The following DGKD variants were observed in gnomAD, a reference collection of about 807,000 sequenced individuals.
The protein encoded by DGKD is diacylglycerol kinase delta.
In DGKD, 68 loss-of-function variants were observed where a neutral mutation model predicts 154.4. That is an observed-to-expected ratio of 0.44 (90% CI 0.36 to 0.54). The LOEUF is 0.54. Ranked by LOEUF, DGKD falls within the 20% of genes least tolerant of loss-of-function variation. The pLI is 0.00. For missense variants in DGKD, 1,343 were observed against 1,593.6 expected, an observed-to-expected ratio of 0.84 and a Z score of 2.68; for synonymous variants, 693 against 638.0, an observed-to-expected ratio of 1.09 and a Z score of -1.30.
At chr2:233,375,106 A>G (rs973333697) in intron 1 of DGKD, among the ~76,000 whole-genome samples, 1 of 152,182 alleles carries the variant, frequency 6.6e-6, no homozygotes, top group Non-Finnish European at 1.5e-5. Flanking sequence ...CCTGGCCAAC[A>G]TGGTAAAATC....
chr2:233,363,949 A>G (rs1701906683), intron 1 of DGKD, among the ~76,000 whole-genome samples: 1 of 152,214 alleles, frequency 6.6e-6, no homozygotes, highest in African/African-American at 2.4e-5. Flanking sequence ...TTCTCAGAAT[A>G]TATGCTCATT....
At chr2:233,368,509 CA>C in intron 1 of DGKD, among the ~76,000 whole-genome samples, 1 of 151,992 alleles carries the variant, frequency 6.6e-6, no homozygotes, top group Non-Finnish European at 1.5e-5. Context: ...GAGACTCCAT[CA>C]AAAAAGTGAA....
chr2:233,384,596 A>T (rs932323620), intron 1 of DGKD, among the ~76,000 whole-genome samples: 2 of 152,120 alleles, frequency 1.3e-5, no homozygotes, highest in African/African-American at 2.4e-5. Context: ...GGAGGCATCC[A>T]GGATTTCTGT....
At chr2:233,382,305 T>G (rs1412553459) in intron 1 of DGKD, among the ~76,000 whole-genome samples, 1 of 152,110 alleles carries the variant, frequency 6.6e-6, no homozygotes, top group Non-Finnish European at 1.5e-5. Flanking sequence ...ACTGAAACAT[T>G]TGTATGTTAA....
rs772740562 is a variant in DGKD at position 233,434,467 on chromosome 2, A to G, written c.436A>G (p.Asn146Asp). The G allele has an allele frequency of 6.2e-7, 1 of 1,614,140 alleles. No individual in the cohort carries two copies. Residue 146 changes from asparagine to aspartate, a missense_variant, in exon 4 of 30, where the codon AAC (asparagine) becomes GAC (aspartate). Around this residue, in one of 6 missense-constraint regions of DGKD, gnomAD observed 332 missense variants for 400.1 expected, o/e 0.83. Transcript: ENST00000264057. The part of the protein sequence containing the change: ...DWIAALKTVQ[N>D]REHFEPTQYS... ...GATTGCAGCATTAAAGACTGTGCAG[A>G]ACAGGGAGCACTTTGAGGTTAAAAA...
intron 1 of DGKD, among the ~76,000 whole-genome samples, chr2:233,386,578 C>T (rs1703191712): frequency 6.6e-6 from 1 of 152,038 alleles, no homozygotes; most frequent in Admixed American, 6.6e-5. Flanking sequence ...GAGGTCACTT[C>T]TGGCAAACAA....
chr2:233,358,963 C>T (rs1185148163), intron 1 of DGKD, among the ~76,000 whole-genome samples: 3 of 152,200 alleles, frequency 2.0e-5, no homozygotes, highest in African/African-American at 7.2e-5. Context: ...GACTATTTTC[C>T]AGCTAAAAAG....
chr2:233,399,520 G>C (rs1377316534), intron 3 of DGKD, among the ~76,000 whole-genome samples: 1 of 152,222 alleles, frequency 6.6e-6, no homozygotes, highest in African/African-American at 2.4e-5. Context: ...GGGGTTCCCT[G>C]CCTGTGGTGG....
intron 3 of DGKD, among the ~76,000 whole-genome samples, chr2:233,416,755 G>T (rs887063000): frequency 6.6e-6 from 1 of 152,082 alleles, no homozygotes; most frequent in African/African-American, 2.4e-5. Flanking sequence ...TTGTCACCAG[G>T]ACTCCGAGGT....
At chr2:233,378,027 G>A (rs1190497296) in intron 1 of DGKD, among the ~76,000 whole-genome samples, 1 of 151,824 alleles carries the variant, frequency 6.6e-6, no homozygotes, top group African/African-American at 2.4e-5. Flanking sequence ...GGCTGGCCTT[G>A]AACTACTGGT....
At chr2:233,466,572 G>A (rs2063829380) in intron 27 of DGKD, among the ~76,000 whole-genome samples, 1 of 152,096 alleles carries the variant, frequency 6.6e-6, no homozygotes, top group South Asian at 2.1e-4. Context: ...CGCCGCCGAT[G>A]GCTGTCAAGA....
chr2:233,461,094 G>C (rs2063620614), intron 24 of DGKD, among the ~76,000 whole-genome samples: 1 of 151,840 alleles, frequency 6.6e-6, no homozygotes, highest in African/African-American at 2.4e-5. Flanking sequence ...TGGAGCCACT[G>C]TGTCCCTCGT....
Position 233,376,514 on chromosome 2 carries a change from C to T in DGKD, c.157-11743C>T, listed in dbSNP as rs535078356. On this transcript the variant is annotated intron_variant, in intron 1 of 29. Coordinates refer to ENST00000264057, the MANE Select transcript of DGKD (RefSeq NM_152879.3). Reference sequence around the variant, plus strand: ...ACTCCATAAATACTGATTATTTCTTCTCCTTGCCCATGGTTCTGTGAAATG... The same window carrying T: ...ACTCCATAAATACTGATTATTTCTTTTCCTTGCCCATGGTTCTGTGAAATG... Among the ~76,000 whole-genome samples, 128 of 152,304 alleles carry T rather than the reference C, an allele frequency of 8.4e-4. 2 individuals carry two copies. Among genetic ancestry groups the T allele is most frequent in the African/African-American group, 2.9e-3 (122 of 41,568 alleles).
intron 1 of DGKD, among the ~76,000 whole-genome samples, chr2:233,374,004 T>C (rs936316463): frequency 6.6e-6 from 1 of 151,942 alleles, no homozygotes; most frequent in Non-Finnish European, 1.5e-5. Flanking sequence ...CTCCCCTTTA[T>C]GTCTTTTAGT....
At chr2:233,427,608 C>A (rs980565741) in intron 3 of DGKD, among the ~76,000 whole-genome samples, 3 of 152,202 alleles carry the variant, frequency 2.0e-5, no homozygotes, top group Admixed American at 6.5e-5. Context: ...TCCCAAAGTG[C>A]TGAGATTATA....
At chr2:233,413,270 C>G (rs2061872992) in intron 3 of DGKD, among the ~76,000 whole-genome samples, 1 of 152,098 alleles carries the variant, frequency 6.6e-6, no homozygotes, top group Non-Finnish European at 1.5e-5. Context: ...TCAGTGTTAC[C>G]CCGCCTCTGT....
In DGKD at chr2:233,364,603, C is replaced by G. The variant is rs1011350334; in HGVS notation, c.156+9929C>G. On this transcript the variant is annotated intron_variant, in intron 1 of 29. Coordinates refer to ENST00000264057, the MANE Select transcript of DGKD (RefSeq NM_152879.3). ...GTCAGGGATGCATGTTGTGTGTAAT[C>G]TGTGTGGTGGCCACCAAAATTGTGA... is the stretch of plus-strand genomic sequence containing the variant. 3.3e-5 allele frequency among the ~76,000 whole-genome samples: 5 copies of G among 152,252 alleles called. No individual in the cohort carries two copies. In the South Asian group the frequency reaches 1.0e-3, roughly 32 times the overall value.
rs186506095 is a variant in DGKD at position 233,457,340 on chromosome 2, G to C, written c.2580+12G>C. Reference sequence around the variant, plus strand: ...CCAAGGAAGATGATGTATGTATGGGGTGTGAGCGGGTGGGCCTGAGCTCAG... The same window carrying C: ...CCAAGGAAGATGATGTATGTATGGGCTGTGAGCGGGTGGGCCTGAGCTCAG... On this transcript the variant is annotated intron_variant, in intron 21 of 29. Transcript: ENST00000264057. This position sits in a 1 kb window ranked among gnomAD's most constrained non-coding sequence, Gnocchi z 5.5. 5 of 1,552,646 alleles carry C rather than the reference G, an allele frequency of 3.2e-6. No individual in the cohort carries two copies. In the South Asian group the frequency reaches 6.1e-5, roughly 19 times the overall value.
intron 27 of DGKD, 30 bp downstream of exon 27, chr2:233,464,313 C>T (rs1001646344): frequency 5.6e-6 from 9 of 1,608,906 alleles, no homozygotes; most frequent in Non-Finnish European, 6.8e-6. Flanking sequence ...GTGCCTGGGT[C>T]TCCCGGACAT....
Sources: allele counts gnomAD v4.1 joint callset (sites outside exome capture counted in the v4.1 genomes callset), GRCh38; gene constraint gnomAD v4.1.1; regional missense constraint gnomAD v4.1.1; non-coding constraint Gnocchi (gnomAD v3.1); transcripts MANE v1.5; gene names NCBI Gene and HGNC (gene_info 2026-07-23, HGNC 2026-07-21).